The following ZNF518B variants were observed in gnomAD, a reference collection of about 807,000 sequenced individuals.
ZNF518B encodes zinc finger protein 518B.
ZNF518B carries 23 observed loss-of-function variants against 56.3 expected under a neutral mutation model. The ratio of observed to expected loss-of-function variants is 0.41; its 90% CI spans 0.29 to 0.58. The LOEUF is 0.58. Ranked by LOEUF, ZNF518B falls within the 20% of genes least tolerant of loss-of-function variation. ZNF518B has a pLI of 0.32. For synonymous variants in ZNF518B, 529 were observed against 465.9 expected (o/e 1.14, Z -1.74); for missense variants, 1,460 against 1,272.1 (o/e 1.15, Z -2.25).
In ZNF518B at chr4:10,442,511, T is replaced by A. The variant is rs1175180163; in HGVS notation, c.*593A>T. 1 of 152,258 alleles carries A rather than the reference T, an allele frequency of 6.6e-6. No individual in the cohort carries two copies. Among genetic ancestry groups the A allele is most frequent in the South Asian group, 2.1e-4 (1 of 4,834 alleles). 9.4% of individuals were successfully genotyped at this position (152,258 alleles called of 1,614,324 possible). A position where few individuals can be genotyped will look rare whatever the true frequency, so the allele number is the denominator to read the frequency against. ...AAGCAGTTGAAAACATTCTTTAAAA[T>A]GGCCAGTAAAAGCAAAACTCTTTGT... On this transcript the variant is annotated 3_prime_UTR_variant, in exon 3 of 3. Coordinates refer to ENST00000326756, the MANE Select transcript of ZNF518B (RefSeq NM_053042.3).
chr4:10,440,568 A>G lies in ZNF518B; in HGVS notation c.*2536T>C, dbSNP rs550160779. On this transcript the variant is annotated 3_prime_UTR_variant, in exon 3 of 3. Coordinates refer to ENST00000326756, the MANE Select transcript of ZNF518B (RefSeq NM_053042.3). ...TATCTTCTAAAGCTCTTTAGGGAGG[A>G]CAGCTACTTTTTGCTTTCCCATTTT... 6.5e-6 allele frequency: 1 copy of G among 152,720 alleles called. No homozygotes were observed. The highest frequency in any genetic ancestry group is 1.9e-4 in the East Asian group (1 of 5,182). 9.5% of individuals were successfully genotyped at this position (152,720 alleles called of 1,614,324 possible).
intron 1 of ZNF518B, among the ~76,000 whole-genome samples, chr4:10,456,192 GT>G (rs563881387): frequency 1.4e-3 from 204 of 146,686 alleles, no homozygotes; most frequent in African/African-American, 3.4e-3. Flanking sequence ...ATGCTCTGTA[GT>G]TTTTTTTTTT....
At position 10,442,990 on chromosome 4, in the gene ZNF518B, G is replaced by A. The variant is rs747103034; in HGVS notation, c.*114C>T. Reference sequence around the variant, plus strand: ...CTCCCAATATTCCTACAGTTCTGAAGAATTAGCAGTCCTCTCATTTCTACA... The same window carrying A: ...CTCCCAATATTCCTACAGTTCTGAAAAATTAGCAGTCCTCTCATTTCTACA... On this transcript the variant is annotated 3_prime_UTR_variant, in exon 3 of 3. Coordinates refer to ENST00000326756, the MANE Select transcript of ZNF518B (RefSeq NM_053042.3). 12 of 927,954 alleles carry A rather than the reference G, an allele frequency of 1.3e-5. No homozygotes were observed. The highest frequency in any genetic ancestry group is 1.9e-5 in the Non-Finnish European group (12 of 630,404). 57.5% of individuals were successfully genotyped at this position (927,954 alleles called of 1,614,324 possible). A position where few individuals can be genotyped will look rare whatever the true frequency, so the allele number is the denominator to read the frequency against.
chr4:10,449,621 C>T (rs115191804), intron 2 of ZNF518B, among the ~76,000 whole-genome samples: 2,535 of 152,276 alleles, frequency 0.017, 29 homozygotes, highest in Non-Finnish European at 0.025. Context: ...CCAATCTGCA[C>T]CTCTCTCATC....
Position 10,443,188 on chromosome 4 carries a change from G to GTCT in ZNF518B, c.3138_3140dup (p.Glu1046dup). ...GGCCATGACTCATCCACTCTTCCTG[G>GTCT]TCTTCATACAGTCGCCCACAAAACC... On this transcript the variant is annotated inframe_insertion, in exon 3 of 3. Transcript: ENST00000326756. 6.2e-7 allele frequency: 1 copy of GTCT among 1,614,174 alleles called. No homozygotes were observed. Among genetic ancestry groups the GTCT allele is most frequent in the Non-Finnish European group, 8.5e-7 (1 of 1,180,024 alleles).
Position 10,445,703 on chromosome 4 carries a change from G to C in ZNF518B, c.626C>G (p.Thr209Arg). ...AIRNDYIVKH[T>R]KRVHERAGAK... The stretch of plus-strand genomic sequence containing the variant: ...ACCTGCCCTTTCATGTACTCTCTTC[G>C]TGTGTTTGACAATATAATCATTTCT... The change falls in exon 3 of 3, where the codon ACG becomes AGG. Residue 209 changes from threonine to arginine, a missense_variant. Thr to Arg is a moderately conservative substitution (Grantham distance 71, BLOSUM62 -1). Transcript: ENST00000326756. 6 of 1,614,086 alleles carry C rather than the reference G, an allele frequency of 3.7e-6. No individual in the cohort carries two copies. The highest frequency in any genetic ancestry group is 5.1e-6 in the Non-Finnish European group (6 of 1,180,034).
chr4:10,443,638 G>GT lies in ZNF518B; in HGVS notation c.2690_2691insA (p.Arg898GlnfsTer9). ...CAGCTTGAATTTTGTTTTTCTTCCTGGATAAGTGTACTTGTTTGGTTTTAT... is the reference window on the plus strand; with the variant it reads ...CAGCTTGAATTTTGTTTTTCTTCCTGTGATAAGTGTACTTGTTTGGTTTTAT... On this transcript the variant is annotated frameshift_variant, in exon 3 of 3. Coordinates refer to ENST00000326756, the MANE Select transcript of ZNF518B (RefSeq NM_053042.3). LOFTEE classifies it high-confidence loss of function. The GT allele has an allele frequency of 6.2e-7, 1 of 1,614,040 alleles. No individual in the cohort carries two copies. The highest frequency in any genetic ancestry group is 8.5e-7 in the Non-Finnish European group (1 of 1,179,980).
rs1291291227 is a variant in ZNF518B, at chr4:10,446,219, C to T, written c.110G>A (p.Arg37Lys). 1 of 1,614,192 alleles carries T rather than the reference C, an allele frequency of 6.2e-7. No individual in the cohort carries two copies. Reference protein sequence around the residue: ...PDANGAPRPNRQEAQTLLYQG... With the variant: ...PDANGAPRPNKQEAQTLLYQG... ...ATACAAAAGGGTTTGTGCTTCTTGT[C>T]TATTTGGCCGAGGTGCTCCATTAGC... Residue 37 changes from arginine (R) to lysine (K), a missense_variant, in exon 3 of 3, where the codon AGA (arginine) becomes AAA (lysine). Transcript: ENST00000326756.
chr4:10,443,395 CCT>C lies in ZNF518B; in HGVS notation c.2932_2933del (p.Arg978AspfsTer2). ...GNVLKVVLSE[R>X]TRCQLGIRRH... ...GTCTGATGCCTAGCTGACACCTAGTCCTCTCTGATAAAACAACTTTGAGGACA... is the reference window on the plus strand; with the variant it reads ...GTCTGATGCCTAGCTGACACCTAGTCCTCTGATAAAACAACTTTGAGGACA... On this transcript the variant is annotated frameshift_variant, in exon 3 of 3. Coordinates refer to ENST00000326756, the MANE Select transcript of ZNF518B (RefSeq NM_053042.3). LOFTEE classifies it high-confidence loss of function. 6.2e-7 allele frequency: 1 copy of C among 1,614,214 alleles called. No individual in the cohort carries two copies. The highest frequency in any genetic ancestry group is 8.5e-7 in the Non-Finnish European group (1 of 1,180,038).
chr4:10,443,138 C>G lies in ZNF518B; in HGVS notation c.3191G>C (p.Arg1064Thr). Residue 1064 changes from arginine to threonine, a missense_variant, in exon 3 of 3, where the codon AGA becomes ACA. Transcript: ENST00000326756. ...CTTGGAGGAAAGAACATCCCAATCTCTAGTTGCTTCTATCAAATGCCGTTG... is the reference window on the plus strand; with the variant it reads ...CTTGGAGGAAAGAACATCCCAATCTGTAGTTGCTTCTATCAAATGCCGTTG... Reference protein sequence around the residue: ...HGQRHLIEATRDWDVLSSKGK With the variant: ...HGQRHLIEATTDWDVLSSKGK The G allele has an allele frequency of 1.1e-5, 18 of 1,614,076 alleles. No homozygotes were observed. The highest frequency in any genetic ancestry group is 1.5e-5 in the Non-Finnish European group (18 of 1,179,990).
At chr4:10,450,074 TC>T (rs1457869551) in intron 2 of ZNF518B, among the ~76,000 whole-genome samples, 2 of 152,040 alleles carry the variant, frequency 1.3e-5, no homozygotes, top group Non-Finnish European at 2.9e-5. Context: ...CCAAGGAAAG[TC>T]CCCAGAGAAT....
chr4:10,446,213 T>G lies in ZNF518B; in HGVS notation c.116A>C (p.Glu39Ala), dbSNP rs1003346510. The part of the protein sequence containing the change: ...ANGAPRPNRQ[E>A]AQTLLYQGSE... ...GCCTTGATACAAAAGGGTTTGTGCTTCTTGTCTATTTGGCCGAGGTGCTCC... is the reference window on the plus strand; with the variant it reads ...GCCTTGATACAAAAGGGTTTGTGCTGCTTGTCTATTTGGCCGAGGTGCTCC... Residue 39 changes from glutamate (E) to alanine (A), a missense_variant, in exon 3 of 3, where the codon GAA (glutamate) becomes GCA (alanine). Transcript: ENST00000326756. 2.5e-6 allele frequency: 4 copies of G among 1,614,108 alleles called. No homozygotes were observed. The highest frequency in any genetic ancestry group is 3.3e-5 in the Admixed American group (2 of 60,006).
chr4:10,455,250 A>C (rs1438370443), intron 1 of ZNF518B, among the ~76,000 whole-genome samples: 5 of 152,184 alleles, frequency 3.3e-5, no homozygotes, highest in African/African-American at 1.2e-4. Context: ...CCCTCACCCT[A>C]TGATGACAAT....
Position 10,441,130 on chromosome 4 carries a change from C to T in ZNF518B, c.*1974G>A, listed in dbSNP as rs957288698. ...TTCATTTTCCAAAAGTGAGATTAGA[C>T]CCTTATAAAAATGTACTTCCAAAAT... On this transcript the variant is annotated 3_prime_UTR_variant, in exon 3 of 3. Coordinates refer to ENST00000326756, the MANE Select transcript of ZNF518B (RefSeq NM_053042.3). 1 of 152,512 alleles carries T rather than the reference C, an allele frequency of 6.6e-6. No individual in the cohort carries two copies. The highest frequency in any genetic ancestry group is 1.5e-5 in the Non-Finnish European group (1 of 68,018). 9.4% of individuals were successfully genotyped at this position (152,512 alleles called of 1,614,324 possible). A position where few individuals can be genotyped will look rare whatever the true frequency, so the allele number is the denominator to read the frequency against.
In ZNF518B at chr4:10,446,224, T is replaced by G. The variant is rs10021506; in HGVS notation, c.105A>C (p.Pro35=). 44,241 of 1,614,116 alleles carry G rather than the reference T, an allele frequency of 0.027. 4,239 individuals are homozygous for G. In the African/African-American group the frequency reaches 0.28, roughly 10 times the overall value. The change falls in exon 3 of 3, where the codon CCA becomes CCC. Residue 35 remains proline, a synonymous_variant. Coordinates refer to ENST00000326756, the MANE Select transcript of ZNF518B (RefSeq NM_053042.3). ...KQPDANGAPR[P]NRQEAQTLLY... is the part of the protein sequence containing the mutation. ...AAAGGGTTTGTGCTTCTTGTCTATT[T>G]GGCCGAGGTGCTCCATTAGCATCAG...
chr4:10,452,720 T>C (rs1455486341), intron 2 of ZNF518B: 1 of 152,186 alleles, frequency 6.6e-6, no homozygotes, highest in African/African-American at 2.4e-5. Context: ...CATTGCATTA[T>C]ACTACAAAAT....
chr4:10,443,425 G>A lies in ZNF518B; in HGVS notation c.2904C>T (p.Gly968=). Residue 968 remains glycine (G), a synonymous_variant, in exon 3 of 3, where the codon GGC becomes GGT. Coordinates refer to ENST00000326756, the MANE Select transcript of ZNF518B (RefSeq NM_053042.3). ...CTGATAAAACAACTTTGAGGACATTGCCTTTGTATTTATTTATTACCTTCA... is the reference window on the plus strand; with the variant it reads ...CTGATAAAACAACTTTGAGGACATTACCTTTGTATTTATTTATTACCTTCA... ...NVMKVINKYK[G]NVLKVVLSER... is the part of the protein sequence containing the mutation. The A allele has an allele frequency of 6.2e-7, 1 of 1,614,190 alleles. No homozygotes were observed. Among genetic ancestry groups the A allele is most frequent in the South Asian group, 1.1e-5 (1 of 91,074 alleles).
intron 1 of ZNF518B, among the ~76,000 whole-genome samples, chr4:10,456,693 G>A (rs926654376): frequency 1.3e-5 from 2 of 152,212 alleles, no homozygotes; most frequent in Non-Finnish European, 2.9e-5. Flanking sequence ...CGGGCGCATC[G>A]TCGTCTCCCA....
chr4:10,456,848 C>A (rs1715555439), intron 1 of ZNF518B, among the ~76,000 whole-genome samples: 1 of 152,154 alleles, frequency 6.6e-6, no homozygotes, highest in South Asian at 2.1e-4. Flanking sequence ...ACGGTAGGAG[C>A]CCTCGGAGGA....
Sources: gnomAD v4.1 joint callset for allele counts (sites outside exome capture counted in the v4.1 genomes callset) on GRCh38, gnomAD v4.1.1 for gene constraint, MANE v1.5 for transcripts, NCBI Gene and HGNC (gene_info 2026-07-23, HGNC 2026-07-21) for gene names.